The following CDH4 variants were observed in gnomAD, a reference collection of about 807,000 sequenced individuals.
CDH4 encodes the protein cadherin-4.
A neutral mutation model predicts 86.0 loss-of-function variants in CDH4; 33 were observed. The ratio of observed to expected loss-of-function variants is 0.38; its 90% CI spans 0.29 to 0.51. The LOEUF is 0.51. Among genes scored for constraint, CDH4 ranks in the 20% least tolerant of loss-of-function variants. The pLI, the probability that CDH4 is intolerant of heterozygous loss-of-function variation, is 0.86. For missense variants in CDH4, 1,114 were observed against 1,307.4 expected (o/e 0.85, Z 2.28); for synonymous variants, 555 against 549.4 (o/e 1.01, Z -0.14).
intron 2 of CDH4, among the ~76,000 whole-genome samples, chr20:61,421,394 G>A (rs1034730816): frequency 6.6e-6 from 1 of 152,198 alleles, no homozygotes; most frequent in Non-Finnish European, 1.5e-5. Context: ...GTGCATAGAC[G>A]TAATTTTGAT....
At chr20:61,824,163 G>A (rs1224248201) in intron 4 of CDH4, among the ~76,000 whole-genome samples, 1 of 152,108 alleles carries the variant, frequency 6.6e-6, no homozygotes. Context: ...TTCTATTGGA[G>A]CATAGCCTCA....
chr20:61,272,586 T>A (rs750744061), intron 2 of CDH4, among the ~76,000 whole-genome samples: 1 of 152,192 alleles, frequency 6.6e-6, no homozygotes, highest in Non-Finnish European at 1.5e-5. Context: ...GAATGCATTG[T>A]TTGTTGCAGA....
At chr20:61,819,688 G>A (rs1980916496) in intron 4 of CDH4, among the ~76,000 whole-genome samples, 1 of 152,130 alleles carries the variant, frequency 6.6e-6, no homozygotes, top group Admixed American at 6.5e-5. Flanking sequence ...TTTATATGAA[G>A]GCTCTAAGCC....
At chr20:61,852,505 G>A (rs1452176378) in intron 5 of CDH4, among the ~76,000 whole-genome samples, 1 of 152,184 alleles carries the variant, frequency 6.6e-6, no homozygotes, top group Non-Finnish European at 1.5e-5. Flanking sequence ...CCTGACCATG[G>A]GGTGTTGGGG....
intron 9 of CDH4, among the ~76,000 whole-genome samples, chr20:61,913,670 C>T (rs554316015): frequency 7.2e-5 from 11 of 152,360 alleles, no homozygotes; most frequent in African/African-American, 2.6e-4. Context: ...CCTTCCGGTT[C>T]TTCCTCCAGC....
chr20:61,505,016 T>C (rs1320625069), intron 2 of CDH4, among the ~76,000 whole-genome samples: 1 of 152,198 alleles, frequency 6.6e-6, no homozygotes, highest in Non-Finnish European at 1.5e-5. Context: ...CACAGCTCAG[T>C]GTTCATTGTT....
intron 2 of CDH4, among the ~76,000 whole-genome samples, chr20:61,263,338 C>T (rs1339964097): frequency 1.3e-5 from 2 of 152,178 alleles, no homozygotes; most frequent in Non-Finnish European, 2.9e-5. Context: ...AGTTCTTAAA[C>T]AAAAGAGAAC....
chr20:61,837,803 C>T (rs550733955), intron 4 of CDH4, among the ~76,000 whole-genome samples: 2 of 152,278 alleles, frequency 1.3e-5, no homozygotes, highest in South Asian at 4.1e-4. Flanking sequence ...GCCCCAGCCT[C>T]CAGGAGCCTT....
At chr20:61,828,690 A>C (rs1981439119) in intron 4 of CDH4, among the ~76,000 whole-genome samples, 1 of 152,214 alleles carries the variant, frequency 6.6e-6, no homozygotes, top group Non-Finnish European at 1.5e-5. Context: ...CTCAGCTCCC[A>C]GTCTCTGCAC....
chr20:61,621,146 C>A (rs1600814036), intron 2 of CDH4, among the ~76,000 whole-genome samples: 1 of 152,226 alleles, frequency 6.6e-6, no homozygotes, highest in South Asian at 2.1e-4. Flanking sequence ...GCATTGTGAA[C>A]TGAGATTTCT....
intron 2 of CDH4, among the ~76,000 whole-genome samples, chr20:61,414,230 G>A (rs2085134896): frequency 6.6e-6 from 1 of 152,246 alleles, no homozygotes; most frequent in South Asian, 2.1e-4. Context: ...GATGTCCCAT[G>A]TAACGTGGGT....
intron 4 of CDH4, among the ~76,000 whole-genome samples, chr20:61,826,962 A>AGTGTGTGTGT (rs11470719): frequency 2.1e-5 from 3 of 145,998 alleles, no homozygotes; most frequent in African/African-American, 8.0e-5. Context: ...AGAAGGGAAA[A>AGTGTGTGTGT]GTGTGTGTGT....
At chr20:61,448,063 A>G (rs2085361774) in intron 2 of CDH4, among the ~76,000 whole-genome samples, 1 of 152,170 alleles carries the variant, frequency 6.6e-6, no homozygotes, top group Non-Finnish European at 1.5e-5. Flanking sequence ...GCTGATTTCC[A>G]TACCTAATCA....
At chr20:61,318,665 G>A (rs2084491377) in intron 2 of CDH4, among the ~76,000 whole-genome samples, 1 of 152,240 alleles carries the variant, frequency 6.6e-6, no homozygotes. Context: ...CATGCTCAAT[G>A]CATAGCCACT....
intron 2 of CDH4, among the ~76,000 whole-genome samples, chr20:61,577,728 GAGA>G (rs1328881561): frequency 6.6e-6 from 1 of 152,136 alleles, no homozygotes; most frequent in Non-Finnish European, 1.5e-5. Context: ...GCATTGGAGG[GAGA>G]AGGTGCTTCT....
intron 2 of CDH4, among the ~76,000 whole-genome samples, chr20:61,414,847 G>A (rs2085138198): frequency 6.6e-6 from 1 of 152,206 alleles, no homozygotes; most frequent in Non-Finnish European, 1.5e-5. Flanking sequence ...CCCGTGGTGA[G>A]AGTGGCAGCT....
intron 4 of CDH4, among the ~76,000 whole-genome samples, chr20:61,835,069 C>T (rs1042802100): frequency 1.3e-5 from 2 of 152,122 alleles, no homozygotes; most frequent in South Asian, 2.1e-4. Flanking sequence ...ATACAGAGTT[C>T]ATTTTTTGTC....
At chr20:61,613,480 A>G (rs1000600737) in intron 2 of CDH4, among the ~76,000 whole-genome samples, 2 of 151,816 alleles carry the variant, frequency 1.3e-5, no homozygotes, top group Admixed American at 1.3e-4. Flanking sequence ...CTCTGTGTGG[A>G]GTATGCTTTT....
chr20:61,491,165 T>C (rs1366182681), intron 2 of CDH4, among the ~76,000 whole-genome samples: 1 of 152,248 alleles, frequency 6.6e-6, no homozygotes, highest in African/African-American at 2.4e-5. Context: ...ATGTTGGGTT[T>C]TCTAATTAGA....
Sources: allele counts gnomAD v4.1 joint callset (sites outside exome capture counted in the v4.1 genomes callset), GRCh38; gene constraint gnomAD v4.1.1; transcripts MANE v1.5; gene names NCBI Gene and HGNC (gene_info 2026-07-23, HGNC 2026-07-21).